The following PTTG1IP2 variants were observed in gnomAD, a reference collection of about 807,000 sequenced individuals.
The protein encoded by PTTG1IP2 is PTTG1IP family member 2.
chr7:90,488,321 A>ACAGAAGCT lies in PTTG1IP2; in HGVS notation c.287-549_287-548insAGAAGCTC, dbSNP rs56931782. ...GTTACACTTCTTGTAACTAGTATGA[A>ACAGAAGCT]CTAGTCTCCTATTTCATGTTTGCCC... On this transcript the variant is annotated intron_variant, in intron 3 of 6. Coordinates refer to ENST00000509356, the MANE Select transcript of PTTG1IP2 (RefSeq NM_001365443.2). Among the ~76,000 whole-genome samples, 549 of 151,230 alleles carry ACAGAAGCT rather than the reference A, an allele frequency of 3.6e-3. 3 individuals carry two copies. Among genetic ancestry groups the ACAGAAGCT allele is most frequent in the African/African-American group, 0.013 (519 of 41,390 alleles).
intron 3 of PTTG1IP2, 37 bp downstream of exon 3, chr7:90,487,457 T>C (rs1465910440): frequency 6.6e-6 from 1 of 152,634 alleles, no homozygotes. Flanking sequence ...TGTTCTTTAT[T>C]TCAATTGACT....
intron 2 of PTTG1IP2, among the ~76,000 whole-genome samples, chr7:90,486,467 C>CTTTTTTTT (rs532687452): frequency 1.7e-5 from 2 of 119,222 alleles, no homozygotes; most frequent in Non-Finnish European, 1.7e-5. Flanking sequence ...CTTTGTCTTC[C>CTTTTTTTT]TTTTTTTTTT....
At chr7:90,502,202 T>G (rs1376137572) in intron 6 of PTTG1IP2, among the ~76,000 whole-genome samples, 1 of 152,218 alleles carries the variant, frequency 6.6e-6, no homozygotes, top group African/African-American at 2.4e-5. Flanking sequence ...CTTCTTCCAG[T>G]GAAGTCCTTC....
intron 1 of PTTG1IP2, among the ~76,000 whole-genome samples, chr7:90,476,405 G>C (rs935208931): frequency 6.6e-6 from 1 of 152,146 alleles, no homozygotes; most frequent in African/African-American, 2.4e-5. Context: ...GGGAGAAAGA[G>C]AAGAGTAAAA....
intron 6 of PTTG1IP2, among the ~76,000 whole-genome samples, chr7:90,507,423 G>GT (rs1239294549): frequency 3.3e-5 from 5 of 152,124 alleles, no homozygotes; most frequent in Admixed American, 3.3e-4. Context: ...AAGGTAAATT[G>GT]TTTAACATCT....
intron 4 of PTTG1IP2, among the ~76,000 whole-genome samples, chr7:90,491,042 T>C (rs536621516): frequency 6.6e-6 from 1 of 152,312 alleles, no homozygotes; most frequent in African/African-American, 2.4e-5. Flanking sequence ...AAACCAAAGA[T>C]CCTGGTTAGG....
intron 2 of PTTG1IP2, among the ~76,000 whole-genome samples, chr7:90,483,418 T>C (rs970890825): frequency 6.6e-6 from 1 of 152,220 alleles, no homozygotes; most frequent in Non-Finnish European, 1.5e-5. Context: ...GTGTCATACT[T>C]GGAAACACAT....
At chr7:90,506,265 A>AT (rs369968607) in intron 6 of PTTG1IP2, among the ~76,000 whole-genome samples, 4 of 151,928 alleles carry the variant, frequency 2.6e-5, no homozygotes, top group East Asian at 3.9e-4. Flanking sequence ...AACCAATACA[A>AT]TTTTTTCCAA....
At chr7:90,512,918 A>G (rs1274894110) in intron 6 of PTTG1IP2, among the ~76,000 whole-genome samples, 1 of 152,210 alleles carries the variant, frequency 6.6e-6, no homozygotes, top group African/African-American at 2.4e-5. Context: ...TGCCAAGTTG[A>G]ACCCTTTCTG....
intron 6 of PTTG1IP2, among the ~76,000 whole-genome samples, chr7:90,497,714 A>C (rs1798011044): frequency 3.4e-5 from 1 of 29,108 alleles, no homozygotes; most frequent in African/African-American, 1.2e-4. Flanking sequence ...AAGACCCTGT[A>C]TAAAAAAAAA....
At position 90,497,427 on chromosome 7, in the gene PTTG1IP2, G is replaced by A. The variant is rs1046457020; in HGVS notation, c.*50+2997G>A. ...AAAGTACAAAAAATTAGCCGGGCGT[G>A]GCGGCGGGCGCCTGTAGTCCCAGCT... On this transcript the variant is annotated intron_variant, in intron 6 of 6. Transcript: ENST00000509356. 2.6e-4 allele frequency among the ~76,000 whole-genome samples: 39 copies of A among 151,980 alleles called. No homozygotes were observed. The East Asian group carries it at 5.1e-3, about 20-fold the overall frequency.
chr7:90,488,406 G>GA (rs1310946603), intron 3 of PTTG1IP2, among the ~76,000 whole-genome samples: 2 of 151,782 alleles, frequency 1.3e-5, no homozygotes, highest in South Asian at 4.2e-4. Flanking sequence ...ACTGAGATAA[G>GA]AAAAAAAAGT....
At position 90,505,990 on chromosome 7, in the gene PTTG1IP2, C is replaced by CA. The variant is rs59521168; in HGVS notation, c.*51-7258dup. ...TGGGCGACAGAGCGAGACTCCGTCT[C>CA]AAAAAAAAAAAAAAAAAAAAAAAAA... On this transcript the variant is annotated intron_variant, in intron 6 of 6. Transcript: ENST00000509356. Among the ~76,000 whole-genome samples the CA allele has an allele frequency of 8.3e-3, 641 of 77,308 alleles. 56 individuals are homozygous for CA. Among genetic ancestry groups the CA allele is most frequent in the Middle Eastern group, 0.017 (2 of 118 alleles). 50.7% of individuals were successfully genotyped at this position (77,308 alleles called of 152,430 possible).
chr7:90,507,835 T>A (rs897403357), intron 6 of PTTG1IP2, among the ~76,000 whole-genome samples: 2 of 152,224 alleles, frequency 1.3e-5, no homozygotes, highest in Non-Finnish European at 2.9e-5. Flanking sequence ...TTACCTATTA[T>A]GAGCCTATTA....
At chr7:90,483,471 T>A (rs1256248322) in intron 2 of PTTG1IP2, among the ~76,000 whole-genome samples, 2 of 152,186 alleles carry the variant, frequency 1.3e-5, no homozygotes, top group Non-Finnish European at 2.9e-5. Flanking sequence ...CCTTGTTCCC[T>A]CTATGACAAA....
intron 2 of PTTG1IP2, among the ~76,000 whole-genome samples, chr7:90,482,768 T>C (rs1797828714): frequency 7.5e-6 from 1 of 132,990 alleles, no homozygotes. Context: ...ATAAGACTGT[T>C]GCAACTGACT....
rs17869584 is a variant in PTTG1IP2, at chr7:90,512,436, G to C, written c.*51-842G>C. On this transcript the variant is annotated intron_variant, in intron 6 of 6. Transcript: ENST00000509356. The stretch of plus-strand genomic sequence containing the variant: ...AAGACAAAAATAGAATAAGGAGTCA[G>C]CTAGAAGACAAGTGGGAGAAGGGAC... Among the ~76,000 whole-genome samples the C allele has an allele frequency of 7.7e-3, 1,166 of 152,276 alleles. 17 individuals are homozygous for C. The highest frequency in any genetic ancestry group is 0.027 in the African/African-American group (1,118 of 41,560).
intron 1 of PTTG1IP2, among the ~76,000 whole-genome samples, chr7:90,470,616 A>C (rs779343136): frequency 5.8e-4 from 88 of 152,174 alleles, no homozygotes; most frequent in Non-Finnish European, 1.0e-3. Flanking sequence ...CTGTAAGCAA[A>C]TCAGTCTTCC....
intron 6 of PTTG1IP2, among the ~76,000 whole-genome samples, chr7:90,500,441 G>A (rs978899152): frequency 2.6e-5 from 4 of 152,178 alleles, no homozygotes; most frequent in African/African-American, 7.2e-5. Flanking sequence ...GGGTTTGGGG[G>A]AGAATGGGAT....
Sources: gnomAD v4.1 joint callset for allele counts (sites outside exome capture counted in the v4.1 genomes callset) on GRCh38, gnomAD v4.1.1 for gene constraint, MANE v1.5 for transcripts, NCBI Gene and HGNC (gene_info 2026-07-23, HGNC 2026-07-21) for gene names.